The following ITGBL1 variants were observed in gnomAD, a reference collection of about 807,000 sequenced individuals.
ITGBL1 encodes integrin subunit beta like 1.
A neutral mutation model predicts 68.5 loss-of-function variants in ITGBL1; 51 were observed. That is an observed-to-expected ratio of 0.74 (90% CI 0.59 to 0.94). The LOEUF is 0.94. Among genes scored for constraint, ITGBL1 ranks in the 40% least tolerant of loss-of-function variants. ITGBL1 has a pLI of 0.00. For synonymous variants in ITGBL1, 209 were observed against 227.3 expected (o/e 0.92, Z 0.72); for missense variants, 649 against 647.4 (o/e 1.00, Z -0.03).
At chr13:101,692,133 G>A (rs1424303497) in intron 7 of ITGBL1, among the ~76,000 whole-genome samples, 2 of 152,106 alleles carry the variant, frequency 1.3e-5, no homozygotes, top group African/African-American at 2.4e-5. Context: ...ATAGCACATT[G>A]AAATATTACC....
intron 2 of ITGBL1, among the ~76,000 whole-genome samples, chr13:101,502,215 T>A (rs2048954416): frequency 6.6e-6 from 1 of 152,176 alleles, no homozygotes; most frequent in Non-Finnish European, 1.5e-5. Context: ...TTTAAAACAT[T>A]TGCTTCGTTA....
chr13:101,605,257 CAT>C (rs531501297), intron 7 of ITGBL1, among the ~76,000 whole-genome samples: 5 of 143,904 alleles, frequency 3.5e-5, no homozygotes, highest in African/African-American at 1.1e-4. Context: ...TATATATACA[CAT>C]ATAGACATAG....
intron 2 of ITGBL1, among the ~76,000 whole-genome samples, chr13:101,503,260 C>G (rs1345250358): frequency 6.6e-6 from 1 of 152,142 alleles, no homozygotes; most frequent in Non-Finnish European, 1.5e-5. Context: ...TCTTTCCTAA[C>G]CCTCTATTCC....
At chr13:101,631,290 A>G (rs1257271976) in intron 7 of ITGBL1, among the ~76,000 whole-genome samples, 1 of 152,150 alleles carries the variant, frequency 6.6e-6, no homozygotes, top group Non-Finnish European at 1.5e-5. Context: ...ACTAATATTC[A>G]TCTTCACCTT....
intron 2 of ITGBL1, among the ~76,000 whole-genome samples, chr13:101,469,290 G>A (rs1289533456): frequency 1.3e-5 from 2 of 152,220 alleles, no homozygotes; most frequent in Non-Finnish European, 2.9e-5. Context: ...AAATGAATGG[G>A]TGGACCGTGG....
chr13:101,522,735 A>T (rs2139137583), intron 2 of ITGBL1, among the ~76,000 whole-genome samples: 1 of 152,338 alleles, frequency 6.6e-6, no homozygotes, highest in South Asian at 2.1e-4. Context: ...GGAACAAGTC[A>T]GGGCTCTTTG....
intron 2 of ITGBL1, among the ~76,000 whole-genome samples, chr13:101,530,104 T>C (rs1338185369): frequency 2.0e-5 from 3 of 152,126 alleles, no homozygotes; most frequent in Admixed American, 1.3e-4. Flanking sequence ...AGACAGGTGG[T>C]ACACATTAAA....
rs935014226 is a variant in ITGBL1 at position 101,603,097 on chromosome 13, G to T, written c.1015+4798G>T. Among the ~76,000 whole-genome samples, 3 of 151,932 alleles carry T rather than the reference G, an allele frequency of 2.0e-5. No individual in the cohort carries two copies. In the South Asian group the frequency reaches 6.2e-4, roughly 31 times the overall value. On this transcript the variant is annotated intron_variant, in intron 7 of 10. Transcript: ENST00000376180. ...TAATTTCTTTGGGGTCTGTATCTGT[G>T]AGTGGAATTGCTGGGTCATAGAGTG... is the stretch of plus-strand genomic sequence containing the variant.
At chr13:101,569,188 CAG>C (rs1331101393) in intron 3 of ITGBL1, among the ~76,000 whole-genome samples, 2 of 152,068 alleles carry the variant, frequency 1.3e-5, no homozygotes, top group African/African-American at 4.8e-5. Flanking sequence ...AAACTTGTTT[CAG>C]TAACAAGACT....
intron 2 of ITGBL1, among the ~76,000 whole-genome samples, chr13:101,469,948 C>T (rs2048434826): frequency 6.6e-6 from 1 of 152,184 alleles, no homozygotes; most frequent in South Asian, 2.1e-4. Flanking sequence ...CCTGTGTGAT[C>T]TTGCACAAAT....
intron 7 of ITGBL1, among the ~76,000 whole-genome samples, chr13:101,605,730 G>T (rs1040685121): frequency 6.6e-6 from 1 of 151,398 alleles, no homozygotes; most frequent in Non-Finnish European, 1.5e-5. Flanking sequence ...GCGTGTACAC[G>T]TATGTAGACA....
chr13:101,711,775 G>C (rs917682626), intron 9 of ITGBL1: 4 of 152,214 alleles, frequency 2.6e-5, no homozygotes, highest in African/African-American at 9.7e-5. Context: ...ATGGAAGCCA[G>C]CAAAAATGCA....
At chr13:101,485,793 G>A (rs7320334) in intron 2 of ITGBL1, among the ~76,000 whole-genome samples, 36,319 of 151,596 alleles carry the variant, frequency 0.24, 4,780 homozygotes, top group East Asian at 0.47. Flanking sequence ...CTCTGTCTCA[G>A]AACAAAACAA....
intron 7 of ITGBL1, among the ~76,000 whole-genome samples, chr13:101,687,720 A>G (rs968135323): frequency 6.6e-6 from 1 of 152,116 alleles, no homozygotes; most frequent in Non-Finnish European, 1.5e-5. Flanking sequence ...ACTTAATAAG[A>G]GTAGGCAGAC....
At chr13:101,492,582 C>T (rs960748612) in intron 2 of ITGBL1, among the ~76,000 whole-genome samples, 6 of 152,184 alleles carry the variant, frequency 3.9e-5, no homozygotes, top group African/African-American at 1.4e-4. Flanking sequence ...GGATTCACTT[C>T]TGTGGGTCTA....
intron 2 of ITGBL1, among the ~76,000 whole-genome samples, chr13:101,556,489 G>A (rs1050078597): frequency 9.2e-5 from 14 of 152,250 alleles, no homozygotes; most frequent in African/African-American, 3.4e-4. Context: ...ATACAAAATA[G>A]CCAGGGGTGG....
Position 101,498,187 on chromosome 13 carries a change from A to G in ITGBL1, c.316+44087A>G, listed in dbSNP as rs551974201. On this transcript the variant is annotated intron_variant, in intron 2 of 10. Transcript: ENST00000376180. ...ATGTTCTGTATCCGAGACCTCATAT[A>G]GCTTCTATTGGGAGTTGTCTCCACT... is the stretch of plus-strand genomic sequence containing the variant. 2.6e-5 allele frequency among the ~76,000 whole-genome samples: 4 copies of G among 152,132 alleles called. No individual in the cohort carries two copies. The South Asian group carries it at 8.3e-4, about 32-fold the overall frequency.
chr13:101,531,922 G>C (rs1355814132), intron 2 of ITGBL1, among the ~76,000 whole-genome samples: 1 of 151,594 alleles, frequency 6.6e-6, no homozygotes, highest in Non-Finnish European at 1.5e-5. Flanking sequence ...TTTTGGTAGA[G>C]ACGGGGTTTC....
chr13:101,663,367 G>T (rs145139468), intron 7 of ITGBL1, among the ~76,000 whole-genome samples: 1 of 152,060 alleles, frequency 6.6e-6, no homozygotes, highest in Non-Finnish European at 1.5e-5. Flanking sequence ...TTTAGAGATC[G>T]CTTGATCTAG....
Sources: allele counts gnomAD v4.1 joint callset (sites outside exome capture counted in the v4.1 genomes callset), GRCh38; gene constraint gnomAD v4.1.1; transcripts MANE v1.5; gene names NCBI Gene and HGNC (gene_info 2026-07-23, HGNC 2026-07-21).